The following PRKACB variants were observed in gnomAD, a reference collection of about 807,000 sequenced individuals.
PRKACB encodes cAMP-dependent protein kinase catalytic subunit beta.
Under a neutral mutation model 51.4 loss-of-function variants are expected in PRKACB, and 16 were observed. That is an observed-to-expected ratio of 0.31 (90% CI 0.21 to 0.47). The LOEUF is 0.47. Among genes scored for constraint, PRKACB ranks in the 20% least tolerant of loss-of-function variants. The pLI, the probability that PRKACB is intolerant of heterozygous loss-of-function variation, is 1.00. For missense variants in PRKACB, 309 were observed against 464.5 expected, an observed-to-expected ratio of 0.67 and a Z score of 3.08; for synonymous variants, 147 against 154.4, an observed-to-expected ratio of 0.95 and a Z score of 0.35.
intron 1 of PRKACB, among the ~76,000 whole-genome samples, chr1:84,154,508 C>T (rs1655217632): frequency 6.6e-6 from 1 of 152,084 alleles, no homozygotes; most frequent in Non-Finnish European, 1.5e-5. Flanking sequence ...TAATGCCAGT[C>T]CTTCTCAAAC....
chr1:84,134,099 A>G (rs1652542753), intron 1 of PRKACB, among the ~76,000 whole-genome samples: 1 of 152,146 alleles, frequency 6.6e-6, no homozygotes, highest in Admixed American at 6.5e-5. Context: ...ACTCTTCTCC[A>G]AAGTCCCACT....
At chr1:84,209,755 G>A (rs1671860523) in intron 8 of PRKACB, among the ~76,000 whole-genome samples, 1 of 152,144 alleles carries the variant, frequency 6.6e-6, no homozygotes. Flanking sequence ...TCACTAGAAT[G>A]TAAACTCCAT....
chr1:84,174,078 TTC>T (rs1660429116), intron 1 of PRKACB, among the ~76,000 whole-genome samples: 1 of 151,814 alleles, frequency 6.6e-6, no homozygotes, highest in African/African-American at 2.4e-5. Flanking sequence ...CTCAGTTTAC[TTC>T]TGTTTCTACC....
At chr1:84,190,847 T>C (rs1171706290) in intron 5 of PRKACB, among the ~76,000 whole-genome samples, 3 of 152,124 alleles carry the variant, frequency 2.0e-5, no homozygotes, top group African/African-American at 4.8e-5. Flanking sequence ...TATGTAAGAA[T>C]AGACTCCTAT....
chr1:84,158,042 C>T (rs80044544), intron 1 of PRKACB, among the ~76,000 whole-genome samples: 2,606 of 151,530 alleles, frequency 0.017, 195 homozygotes, highest in Admixed American at 0.14. Flanking sequence ...TTCACATGCT[C>T]ATCAATGCTT....
chr1:84,232,054 A>T (rs1259413067), intron 9 of PRKACB, among the ~76,000 whole-genome samples: 1 of 151,814 alleles, frequency 6.6e-6, no homozygotes, highest in East Asian at 1.9e-4. Context: ...TCTTGTGGGC[A>T]TTTAGTGCCA....
At chr1:84,087,281 G>A (rs111857926) in intron 1 of PRKACB, among the ~76,000 whole-genome samples, 9 of 152,336 alleles carry the variant, frequency 5.9e-5, no homozygotes, top group African/African-American at 2.2e-4. Context: ...TGATTAAAGT[G>A]TATAAAATCA....
At chr1:84,190,327 T>A (rs902026049) in intron 5 of PRKACB, among the ~76,000 whole-genome samples, 4 of 151,974 alleles carry the variant, frequency 2.6e-5, no homozygotes, top group African/African-American at 9.7e-5. Flanking sequence ...CATGAGACAT[T>A]GATTTATAAA....
At chr1:84,226,780 G>C (rs1336082787) in intron 9 of PRKACB, among the ~76,000 whole-genome samples, 2 of 151,998 alleles carry the variant, frequency 1.3e-5, no homozygotes, top group African/African-American at 4.8e-5. Flanking sequence ...TTCTTGTCTT[G>C]TTCCTGCTTT....
intron 1 of PRKACB, among the ~76,000 whole-genome samples, chr1:84,159,085 T>C (rs1170441929): frequency 1.3e-5 from 2 of 152,132 alleles, no homozygotes; most frequent in East Asian, 1.9e-4. Flanking sequence ...TCCAACTTTG[T>C]TCTTCTTTTA....
intron 1 of PRKACB, among the ~76,000 whole-genome samples, chr1:84,123,637 A>G (rs544842150): frequency 9.7e-4 from 148 of 152,294 alleles, no homozygotes; most frequent in African/African-American, 3.5e-3. Flanking sequence ...ATAAAGTAGA[A>G]CGCTATAAAA....
intron 6 of PRKACB, 23 bp downstream of exon 6, chr1:84,196,765 G>A (rs1200573691): frequency 1.2e-6 from 2 of 1,604,550 alleles, no homozygotes; most frequent in South Asian, 2.2e-5. Flanking sequence ...CACATTATGT[G>A]TACTGTATAT....
chr1:84,226,666 T>G (rs1198790936), intron 9 of PRKACB, among the ~76,000 whole-genome samples: 1 of 152,192 alleles, frequency 6.6e-6, no homozygotes, highest in Non-Finnish European at 1.5e-5. Context: ...GGCATATCAT[T>G]TTGTCTGTTC....
intron 5 of PRKACB, among the ~76,000 whole-genome samples, chr1:84,190,263 A>G (rs1168173900): frequency 6.6e-6 from 1 of 151,888 alleles, no homozygotes; most frequent in Non-Finnish European, 1.5e-5. Flanking sequence ...CCAGACATCT[A>G]ATAAGTATCT....
intron 7 of PRKACB, 97 bp downstream of exon 7, chr1:84,197,921 T>A: frequency 1.2e-6 from 1 of 833,262 alleles, no homozygotes; most frequent in Non-Finnish European, 1.9e-6. Flanking sequence ...TTTTACATTT[T>A]TAATTTGATC....
At chr1:84,102,522 T>C (rs1649431058) in intron 1 of PRKACB, among the ~76,000 whole-genome samples, 1 of 152,210 alleles carries the variant, frequency 6.6e-6, no homozygotes, top group Non-Finnish European at 1.5e-5. Context: ...AGGCCCAAGG[T>C]AGAGAAAGCC....
intron 5 of PRKACB, among the ~76,000 whole-genome samples, chr1:84,190,368 T>C (rs1324464724): frequency 6.6e-6 from 1 of 151,982 alleles, no homozygotes; most frequent in Non-Finnish European, 1.5e-5. Context: ...ACCTAATTTA[T>C]TCATTTTTAT....
chr1:84,151,014 A>G (rs147252136), intron 1 of PRKACB, among the ~76,000 whole-genome samples: 36 of 152,314 alleles, frequency 2.4e-4, no homozygotes, highest in African/African-American at 8.2e-4. Flanking sequence ...ATATAAGTAT[A>G]CATTGTGAAA....
At chr1:84,165,104 C>T (rs910250383) in intron 1 of PRKACB, 2 of 1,027,808 alleles carry the variant, frequency 1.9e-6, no homozygotes, top group Non-Finnish European at 2.8e-6. Flanking sequence ...GTTATAAAGC[C>T]ACAGCTACTG....
Sources: gnomAD v4.1 joint callset for allele counts (sites outside exome capture counted in the v4.1 genomes callset) on GRCh38, gnomAD v4.1.1 for gene constraint, MANE v1.5 for transcripts, NCBI Gene and HGNC (gene_info 2026-07-23, HGNC 2026-07-21) for gene names.